CRHBP: variants seen among roughly 807,000 people sequenced by gnomAD.
CRHBP encodes corticotropin-releasing hormone-binding protein.
Under a neutral mutation model 34.9 loss-of-function variants are expected in CRHBP, and 19 were observed. The observed-to-expected ratio is 0.55, with a 90% CI of 0.38 to 0.80. The LOEUF (loss-of-function observed/expected upper bound fraction) is 0.80. Ranked by LOEUF, CRHBP falls within the 30% of genes least tolerant of loss-of-function variation. CRHBP has a pLI of 0.00. For synonymous variants in CRHBP, 154 were observed against 153.4 expected (o/e 1.00, Z -0.03); for missense variants, 328 against 409.2 (o/e 0.80, Z 1.71).
downstream of CRHBP, among the ~76,000 whole-genome samples, chr5:76,970,013 T>G (rs1745924204): frequency 7.4e-6 from 1 of 134,710 alleles, no homozygotes; most frequent in Non-Finnish European, 1.6e-5. Context: ...AGTAATGTAA[T>G]CTCACCTCAC....
Position 76,958,821 on chromosome 5 carries a change from A to G in CRHBP, c.625A>G (p.Ile209Val), listed in dbSNP as rs1561265394. The G allele has an allele frequency of 1.2e-6, 2 of 1,614,154 alleles. No homozygotes were observed. The highest frequency in any genetic ancestry group is 1.7e-6 in the Non-Finnish European group (2 of 1,179,992). Residue 209 changes from isoleucine (I) to valine (V), a missense_variant, in exon 5 of 7, where the codon ATA (isoleucine) becomes GTA (valine). Coordinates refer to ENST00000274368, the MANE Select transcript of CRHBP (RefSeq NM_001882.4). ...PHQHRNCSFS[I>V]IYPVVIKISD... ...CCAGCATCGAAACTGCAGCTTCTCC[A>G]TAATTTATCCTGTGGTGATCAAAAT...
intron 6 of CRHBP, among the ~76,000 whole-genome samples, chr5:76,968,199 T>C (rs1310436081): frequency 7.6e-6 from 1 of 130,776 alleles, no homozygotes; most frequent in Non-Finnish European, 1.6e-5. Flanking sequence ...CAGGTGTTTT[T>C]TTTTGTTTTT....
chr5:76,953,586 T>G lies in CRHBP; in HGVS notation c.82-15T>G. ...GCCCTTGAACTTTTCCGGACTGACC[T>G]ATGTTTCTTGCCAGCTGAGGGAAGC... On this transcript the variant is annotated splice_polypyrimidine_tract_variant and intron_variant, in intron 1 of 6. Transcript: ENST00000274368. The G allele has an allele frequency of 6.2e-7, 1 of 1,610,688 alleles. No homozygotes were observed. Among genetic ancestry groups the G allele is most frequent in the Non-Finnish European group, 8.5e-7 (1 of 1,178,528 alleles).
chr5:76,963,346 T>C lies in CRHBP; in HGVS notation c.697T>C (p.Ser233Pro). ...GHVNGLQLKKSSAGCEGIGDF... is the reference protein window; with the variant it reads ...GHVNGLQLKKPSAGCEGIGDF... ...CTCTGCTGCTTTATTCCCTTAGAAA[T>C]CCTCAGCAGGTTGCGAGGGAATAGG... The change falls in exon 6 of 7, where the codon TCC becomes CCC. Residue 233 changes from serine (S) to proline (P), a missense_variant. Ser to Pro is a moderately conservative substitution (Grantham distance 74). This residue lies in a region of CRHBP where 144 missense variants were observed against 216.7 expected (regional missense o/e 0.66). Transcript: ENST00000274368. 1 of 1,613,358 alleles carries C rather than the reference T, an allele frequency of 6.2e-7. No individual in the cohort carries two copies. Among genetic ancestry groups the C allele is most frequent in the Non-Finnish European group, 8.5e-7 (1 of 1,179,320 alleles).
chr5:76,975,114 C>G (rs1746006194), intron 2 of CRHBP, among the ~76,000 whole-genome samples: 1 of 152,070 alleles, frequency 6.6e-6, no homozygotes, highest in East Asian at 1.9e-4. Context: ...AATGCAATTC[C>G]CCTGTTGACT....
rs552876030 is a variant in CRHBP, at chr5:76,967,301, T to C, written c.812-1427T>C. 2.6e-5 allele frequency among the ~76,000 whole-genome samples: 4 copies of C among 152,298 alleles called. No individual in the cohort carries two copies. In the South Asian group the frequency reaches 8.3e-4, roughly 32 times the overall value. Reference sequence around the variant, plus strand: ...TTGGACCTCCTGGTAGAAGCTTAACTAGACTACCTGGTACTTATATTAAAA... The same window carrying C: ...TTGGACCTCCTGGTAGAAGCTTAACCAGACTACCTGGTACTTATATTAAAA... On this transcript the variant is annotated intron_variant, in intron 6 of 6. Transcript: ENST00000274368.
intron 1 of CRHBP, 53 bp from the exon 2 acceptor site, chr5:76,953,547 CT>C: frequency 1.3e-6 from 2 of 1,556,120 alleles, no homozygotes; most frequent in Admixed American, 1.8e-5. Context: ...TCCTGGTCCC[CT>C]TTTTTATCCC....
intron 6 of CRHBP, 63 bp downstream of exon 6, chr5:76,963,523 C>T (rs879859446): frequency 1.1e-5 from 15 of 1,421,972 alleles, no homozygotes; most frequent in African/African-American, 1.4e-5. Context: ...TAAGCACTCC[C>T]CTAATATTTT....
At chr5:76,954,302 T>TA (rs1745630688) in intron 3 of CRHBP, 116 bp downstream of exon 3, 1 of 1,257,690 alleles carries the variant, frequency 8.0e-7, no homozygotes. Context: ...TGGCACTTCT[T>TA]AGACACTTCG....
intron 3 of CRHBP, among the ~76,000 whole-genome samples, chr5:76,980,254 CAAAAAAAA>C (rs574362034): frequency 4.9e-5 from 4 of 82,414 alleles, no homozygotes; most frequent in African/African-American, 4.4e-5. Flanking sequence ...GACTCCGTCT[CAAAAAAAA>C]AAAAAAAAAA....
intron 5 of CRHBP, among the ~76,000 whole-genome samples, chr5:76,962,034 G>A (rs373506328): frequency 8.5e-5 from 13 of 152,138 alleles, no homozygotes; most frequent in African/African-American, 2.2e-4. Flanking sequence ...AATTACAGGC[G>A]TGAGCCACCA....
chr5:76,955,736 T>C lies in CRHBP; in HGVS notation c.417T>C (p.Asp139=), dbSNP rs139648175. The C allele has an allele frequency of 8.7e-6, 14 of 1,614,226 alleles. No individual in the cohort carries two copies. The African/African-American group carries it at 1.6e-4, about 18-fold the overall frequency. ...HPLPSAERYI[D]FCESGLSRRS... ...TCCCCTCAGCTGAGCGGTACATAGA[T>C]TTCTGTGAGAGTGGTCTTAGCAGGA... The change falls in exon 4 of 7, where the codon GAT becomes GAC. Residue 139 remains aspartate, a synonymous_variant. Coordinates refer to ENST00000274368, the MANE Select transcript of CRHBP (RefSeq NM_001882.4).
intron 5 of CRHBP, among the ~76,000 whole-genome samples, chr5:76,961,825 C>G (rs1745780686): frequency 6.6e-6 from 1 of 152,166 alleles, no homozygotes; most frequent in South Asian, 2.1e-4. Flanking sequence ...GTGATCTTGG[C>G]TCACTGCAAC....
intron 3 of CRHBP, among the ~76,000 whole-genome samples, chr5:76,954,854 C>G (rs1330581203): frequency 6.6e-6 from 1 of 152,196 alleles, no homozygotes; most frequent in African/African-American, 2.4e-5. Context: ...GCTGATGGAG[C>G]TCTACTGTCC....
chr5:76,955,150 T>C (rs977997721), intron 3 of CRHBP, among the ~76,000 whole-genome samples: 1 of 152,238 alleles, frequency 6.6e-6, no homozygotes, highest in African/African-American at 2.4e-5. Flanking sequence ...TAATATGTGA[T>C]GATATTTTTA....
rs769539501 is a variant in CRHBP at position 76,953,107 on chromosome 5, G to A, written c.-28G>A. 13 of 1,609,046 alleles carry A rather than the reference G, an allele frequency of 8.1e-6. No homozygotes were observed. In the South Asian group the frequency reaches 1.2e-4, roughly 15 times the overall value. ...GAAAGCCCAGGACCTCCGGAGCAGA[G>A]CACAGCAGCTGCAGAGGCAAGGCCA... On this transcript the variant is annotated 5_prime_UTR_variant, in exon 1 of 7. Coordinates refer to ENST00000274368, the MANE Select transcript of CRHBP (RefSeq NM_001882.4).
chr5:76,955,761 AG>A lies in CRHBP; in HGVS notation c.444del (p.Ser149AlafsTer10). ...IDFCESGLSR[R>X]SIRSSQNVAM... The stretch of plus-strand genomic sequence containing the variant: ...TTTCTGTGAGAGTGGTCTTAGCAGG[AG>A]GAGCATCAGATCTTCCCAGAATGTG... On this transcript the variant is annotated frameshift_variant, in exon 4 of 7. Transcript: ENST00000274368. LOFTEE classifies it high-confidence loss of function. 1 of 1,614,230 alleles carries A rather than the reference AG, an allele frequency of 6.2e-7. No homozygotes were observed. The highest frequency in any genetic ancestry group is 8.5e-7 in the Non-Finnish European group (1 of 1,180,032).
chr5:76,965,608 C>T (rs1289143975), intron 6 of CRHBP, among the ~76,000 whole-genome samples: 1 of 152,168 alleles, frequency 6.6e-6, no homozygotes, highest in Admixed American at 6.5e-5. Context: ...AAAGAACAAT[C>T]AGGCCTTACA....
intron 5 of CRHBP, 77 bp from the exon 6 acceptor site, chr5:76,963,266 G>A (rs1745809836): frequency 2.6e-6 from 3 of 1,158,936 alleles, no homozygotes; most frequent in African/African-American, 1.5e-5. Context: ...GTGAATTCAT[G>A]GACCCGCTGT....
Sources: gnomAD v4.1 joint callset for allele counts (sites outside exome capture counted in the v4.1 genomes callset) on GRCh38, gnomAD v4.1.1 for gene constraint, gnomAD v4.1.1 regional missense constraint, MANE v1.5 for transcripts, NCBI Gene and HGNC (gene_info 2026-07-23, HGNC 2026-07-21) for gene names.